PHF20L1: variants seen among roughly 807,000 people sequenced by gnomAD.
PHF20L1 encodes the protein PHD finger protein 20 like 1.
In PHF20L1, 44 loss-of-function variants were observed where a neutral mutation model predicts 125.5. The observed-to-expected ratio is 0.35, with a 90% CI of 0.28 to 0.45. The LOEUF (loss-of-function observed/expected upper bound fraction) is 0.45, where lower values mean the gene tolerates loss of function less well. PHF20L1 is among the 20% of genes least tolerant of loss of function. PHF20L1 has a pLI of 1.00. For missense variants in PHF20L1, 1,012 were observed against 1,217.2 expected, an observed-to-expected ratio of 0.83 and a Z score of 2.51; for synonymous variants, 380 against 403.1, an observed-to-expected ratio of 0.94 and a Z score of 0.69.
chr8:132,801,675 A>T lies in PHF20L1; in HGVS notation c.508-2144A>T, dbSNP rs1833064207. 2.0e-5 allele frequency among the ~76,000 whole-genome samples: 3 copies of T among 151,808 alleles called. No homozygotes were observed. In the East Asian group the frequency reaches 5.8e-4, roughly 29 times the overall value. On this transcript the variant is annotated intron_variant, in intron 6 of 20. Transcript: ENST00000395386. ...GTGATGGACACCCTAAATACACTGA[A>T]TTGATCACTACTAATTATATACATG...
At chr8:132,798,894 G>T in intron 5 of PHF20L1, 34 bp downstream of exon 5, 1 of 1,409,094 alleles carries the variant, frequency 7.1e-7, no homozygotes, top group South Asian at 1.2e-5. Context: ...CTACCCAAAG[G>T]GTTATCTTCT....
chr8:132,793,553 A>T (rs1832023841), intron 2 of PHF20L1, among the ~76,000 whole-genome samples: 3 of 152,344 alleles, frequency 2.0e-5, no homozygotes, highest in Middle Eastern at 6.8e-3. Flanking sequence ...GCTGCTATTG[A>T]GTTCTGAATG....
At position 132,832,521 on chromosome 8, in the gene PHF20L1, G is replaced by A. The variant is rs961337281; in HGVS notation, c.1909+122G>A. On this transcript the variant is annotated intron_variant, in intron 15 of 20. Transcript: ENST00000395386. ...ACTTGTTAGCTAAACTAATATGAAA[G>A]TCTTGATGTGAGAAATTTGAGCTAC... The A allele has an allele frequency of 2.9e-5, 18 of 621,502 alleles. No homozygotes were observed. In the Admixed American group the frequency reaches 4.1e-4, roughly 14 times the overall value. The allele number at this position is 621,502 out of a possible 1,614,324, so 38.5% of individuals were successfully genotyped here. A position where few individuals can be genotyped will look rare whatever the true frequency, so the allele number is the denominator to read the frequency against.
chr8:132,777,116 A>G (rs546550218), intron 1 of PHF20L1, among the ~76,000 whole-genome samples: 1 of 152,330 alleles, frequency 6.6e-6, no homozygotes, highest in East Asian at 1.9e-4. Context: ...AAAGCATGTT[A>G]TTATTGCTTG....
intron 2 of PHF20L1, among the ~76,000 whole-genome samples, chr8:132,786,334 A>G (rs1831021884): frequency 6.6e-6 from 1 of 152,062 alleles, no homozygotes; most frequent in Admixed American, 6.6e-5. Context: ...TAATAATAAA[A>G]CAGCCTCTTA....
chr8:132,838,591 G>A (rs184527335), intron 17 of PHF20L1: 1 of 152,052 alleles, frequency 6.6e-6, no homozygotes, highest in Non-Finnish European at 1.5e-5. Context: ...CAAATAATAG[G>A]CATGTGGTGA....
intron 2 of PHF20L1, among the ~76,000 whole-genome samples, chr8:132,786,893 A>G (rs1831099406): frequency 6.6e-6 from 1 of 152,156 alleles, no homozygotes; most frequent in Non-Finnish European, 1.5e-5. Context: ...TGCAGGAGGA[A>G]TTGATGTAAA....
intron 18 of PHF20L1, among the ~76,000 whole-genome samples, chr8:132,840,708 A>AC (rs1351997664): frequency 2.0e-5 from 3 of 152,086 alleles, no homozygotes; most frequent in African/African-American, 7.2e-5. Context: ...ATAAGCTTCT[A>AC]CCACTAGTGC....
chr8:132,821,990 G>T (rs890431447), intron 12 of PHF20L1, among the ~76,000 whole-genome samples: 15 of 151,854 alleles, frequency 9.9e-5, no homozygotes, highest in African/African-American at 3.6e-4. Context: ...TTTTCTTGTT[G>T]ACTTCTGGAA....
chr8:132,840,926 A>G (rs1837867185), intron 18 of PHF20L1, among the ~76,000 whole-genome samples: 1 of 152,106 alleles, frequency 6.6e-6, no homozygotes. Flanking sequence ...GTAAGTACTC[A>G]GTAACTATTT....
At chr8:132,808,142 G>A (rs907159942) in intron 8 of PHF20L1, 1 of 152,464 alleles carries the variant, frequency 6.6e-6, no homozygotes, top group African/African-American at 2.4e-5. Context: ...TGATGTGAAT[G>A]TAAAGCATGA....
intron 16 of PHF20L1, among the ~76,000 whole-genome samples, chr8:132,836,951 C>T (rs1369887267): frequency 1.3e-5 from 2 of 152,054 alleles, no homozygotes; most frequent in Non-Finnish European, 2.9e-5. Flanking sequence ...AGTTCAGTGC[C>T]TTCAAACTGA....
chr8:132,781,553 C>T lies in PHF20L1; in HGVS notation c.83+3642C>T, dbSNP rs899404704. Among the ~76,000 whole-genome samples, 12 of 152,222 alleles carry T rather than the reference C, an allele frequency of 7.9e-5. No homozygotes were observed. The South Asian group carries it at 2.3e-3, about 29-fold the overall frequency. On this transcript the variant is annotated intron_variant, in intron 2 of 20. Coordinates refer to ENST00000395386, the MANE Select transcript of PHF20L1 (RefSeq NM_016018.5). Reference sequence around the variant, plus strand: ...AAGTGATTCCCCTGCCTCAGCCTCCCGAGTAGCTGGGACTACAGGCGCACG... The same window carrying T: ...AAGTGATTCCCCTGCCTCAGCCTCCTGAGTAGCTGGGACTACAGGCGCACG...
Position 132,837,956 on chromosome 8 carries a change from G to C in PHF20L1, c.2191+145G>C. On this transcript the variant is annotated intron_variant, in intron 17 of 20. Coordinates refer to ENST00000395386, the MANE Select transcript of PHF20L1 (RefSeq NM_016018.5). Reference sequence around the variant, plus strand: ...GTTCTTGGAAACTGTGACTCCAAATGAAACAGCATGCTATATGCCATAGGA... The same window carrying C: ...GTTCTTGGAAACTGTGACTCCAAATCAAACAGCATGCTATATGCCATAGGA... 4 of 621,420 alleles carry C rather than the reference G, an allele frequency of 6.4e-6. No individual in the cohort carries two copies. In the South Asian group the frequency reaches 6.9e-5, roughly 11 times the overall value. The allele number at this position is 621,420 out of a possible 1,614,324, so 38.5% of individuals were successfully genotyped here.
At chr8:132,801,354 GT>G (rs1017288521) in intron 6 of PHF20L1, among the ~76,000 whole-genome samples, 10 of 151,630 alleles carry the variant, frequency 6.6e-5, no homozygotes, top group African/African-American at 2.4e-4. Flanking sequence ...TAATATTTCT[GT>G]TTCACATTTG....
chr8:132,788,258 T>G (rs1344774371), intron 2 of PHF20L1, among the ~76,000 whole-genome samples: 1 of 152,116 alleles, frequency 6.6e-6, no homozygotes, highest in Non-Finnish European at 1.5e-5. Context: ...ATAAATGAAA[T>G]GAATGAGGAC....
chr8:132,803,776 T>C, intron 6 of PHF20L1, 43 bp from the exon 7 acceptor site: 1 of 1,061,036 alleles, frequency 9.4e-7, no homozygotes. Context: ...TACATTTTAA[T>C]TAATTTTTAA....
chr8:132,784,672 A>G (rs1177163801), intron 2 of PHF20L1, among the ~76,000 whole-genome samples: 1 of 152,222 alleles, frequency 6.6e-6, no homozygotes, highest in African/African-American at 2.4e-5. Flanking sequence ...GGTTTGAGCT[A>G]TTTGGAATAT....
rs200476046 is a variant in PHF20L1, at chr8:132,842,487, A to G, written c.2388-28A>G. 1.1e-3 allele frequency: 1,714 copies of G among 1,543,712 alleles called. 3 individuals carry two copies. The highest frequency in any genetic ancestry group is 1.3e-3 in the Non-Finnish European group (1,458 of 1,152,912). ...TTAATAGATTTTTTTTTTTTTCTGA[A>G]CTGCTGTTTTTCCAACTTTGTTTTA... On this transcript the variant is annotated intron_variant, in intron 18 of 20. Transcript: ENST00000395386.
Sources: allele counts gnomAD v4.1 joint callset (sites outside exome capture counted in the v4.1 genomes callset), GRCh38; gene constraint gnomAD v4.1.1; transcripts MANE v1.5; gene names NCBI Gene and HGNC (gene_info 2026-07-23, HGNC 2026-07-21).